TBC1D5: variants seen among roughly 807,000 people sequenced by gnomAD.
The protein encoded by TBC1D5 is TBC1 domain family member 5.
A neutral mutation model predicts 100.3 loss-of-function variants in TBC1D5; 75 were observed. That is an observed-to-expected ratio of 0.75 (90% CI 0.62 to 0.91). TBC1D5 has a LOEUF of 0.91. Among genes scored for constraint, TBC1D5 ranks in the 40% least tolerant of loss-of-function variants. The pLI is 0.00. For synonymous variants in TBC1D5, 323 were observed against 325.6 expected (o/e 0.99, Z 0.09); for missense variants, 910 against 942.4 (o/e 0.97, Z 0.45).
intron 1 of TBC1D5, among the ~76,000 whole-genome samples, chr3:17,648,016 G>A (rs943786098): frequency 2.0e-5 from 3 of 152,030 alleles, no homozygotes; most frequent in Non-Finnish European, 2.9e-5. Flanking sequence ...AAAAGACACC[G>A]AATAGCCAAG....
chr3:17,317,313 C>A (rs1356419277), intron 13 of TBC1D5, among the ~76,000 whole-genome samples: 1 of 152,146 alleles, frequency 6.6e-6, no homozygotes, highest in African/African-American at 2.4e-5. Context: ...CTGAATGTAT[C>A]TGCATGGGGC....
chr3:17,227,118 G>A (rs934598594), intron 17 of TBC1D5, among the ~76,000 whole-genome samples: 16 of 152,070 alleles, frequency 1.1e-4, no homozygotes, highest in African/African-American at 3.1e-4. Context: ...TAGCAAAAGC[G>A]AACACTGAAG....
At chr3:17,634,671 C>T (rs1577138353) in intron 1 of TBC1D5, among the ~76,000 whole-genome samples, 1 of 147,126 alleles carries the variant, frequency 6.8e-6, no homozygotes, top group East Asian at 2.0e-4. Flanking sequence ...TATTTGATAG[C>T]ACAACAGAGT....
At chr3:17,171,789 A>G (rs1197663837) in intron 19 of TBC1D5, among the ~76,000 whole-genome samples, 1 of 152,128 alleles carries the variant, frequency 6.6e-6, no homozygotes, top group African/African-American at 2.4e-5. Flanking sequence ...ACAATATTGG[A>G]CCTAGTACAG....
chr3:17,222,985 T>C (rs1029826484), intron 17 of TBC1D5, among the ~76,000 whole-genome samples: 4 of 152,068 alleles, frequency 2.6e-5, no homozygotes, highest in Non-Finnish European at 4.4e-5. Context: ...AAAAAAACCA[T>C]CGTAAGCAGT....
intron 3 of TBC1D5, among the ~76,000 whole-genome samples, chr3:17,452,823 A>T (rs574714541): frequency 6.6e-6 from 1 of 152,158 alleles, no homozygotes; most frequent in Non-Finnish European, 1.5e-5. Flanking sequence ...GACTCAACAG[A>T]TATTTACAGA....
Position 17,731,240 on chromosome 3 carries a change from C to T in TBC1D5, c.-101+8103G>A, listed in dbSNP as rs144121900. ...TCATGAGGCTGGGTGCAGTGACTCA[C>T]GCCTGTAATCCCAGCACTTTGGGAG... On this transcript the variant is annotated intron_variant, in intron 1 of 21. Coordinates refer to ENST00000253692, the Ensembl canonical transcript of TBC1D5. 3.6e-3 allele frequency among the ~76,000 whole-genome samples: 553 copies of T among 152,082 alleles called. 4 individuals are homozygous for T. Among genetic ancestry groups the T allele is most frequent in the South Asian group, 0.026 (124 of 4,820 alleles).
chr3:17,220,894 T>A (rs955587649), intron 17 of TBC1D5, among the ~76,000 whole-genome samples: 1 of 152,164 alleles, frequency 6.6e-6, no homozygotes, highest in Non-Finnish European at 1.5e-5. Context: ...ATGAAAAAAA[T>A]TCCATCTTTT....
Position 17,242,127 on chromosome 3 carries a change from G to A in TBC1D5, c.1332-3708C>T, listed in dbSNP as rs1396037757. Among the ~76,000 whole-genome samples, 7 of 152,040 alleles carry A rather than the reference G, an allele frequency of 4.6e-5. No homozygotes were observed. The East Asian group carries it at 1.2e-3, about 25-fold the overall frequency. On this transcript the variant is annotated intron_variant, in intron 16 of 21. Coordinates refer to ENST00000253692, the Ensembl canonical transcript of TBC1D5. Reference sequence around the variant, plus strand: ...GTCTTGCAGCCTGGCTTTCTGACCCGCACTCTACTGAAAGAGCTTCTAGGG... The same window carrying A: ...GTCTTGCAGCCTGGCTTTCTGACCCACACTCTACTGAAAGAGCTTCTAGGG...
chr3:17,692,221 C>T (rs756499444), intron 1 of TBC1D5, among the ~76,000 whole-genome samples: 4 of 151,916 alleles, frequency 2.6e-5, no homozygotes, highest in Non-Finnish European at 4.4e-5. Context: ...CCTCCCAAGA[C>T]GGTGGGTTTA....
At chr3:17,326,701 TG>T (rs2086193960) in intron 13 of TBC1D5, among the ~76,000 whole-genome samples, 1 of 152,224 alleles carries the variant, frequency 6.6e-6, no homozygotes, top group South Asian at 2.1e-4. Context: ...CTTGAACTCC[TG>T]GGCTCAAGTA....
chr3:17,192,179 A>G (rs1469744294), intron 18 of TBC1D5, among the ~76,000 whole-genome samples: 1 of 152,108 alleles, frequency 6.6e-6, no homozygotes, highest in African/African-American at 2.4e-5. Context: ...ATTGGATCAT[A>G]TTTTTGTAAT....
chr3:17,507,615 CAT>C (rs1403191603), intron 3 of TBC1D5, among the ~76,000 whole-genome samples: 2 of 152,092 alleles, frequency 1.3e-5, no homozygotes, highest in Non-Finnish European at 2.9e-5. Flanking sequence ...AAATAACACA[CAT>C]GATTTACTAT....
chr3:17,694,681 T>G (rs2071730027), intron 1 of TBC1D5, among the ~76,000 whole-genome samples: 1 of 152,286 alleles, frequency 6.6e-6, no homozygotes, highest in East Asian at 1.9e-4. Context: ...CTTCAGGATA[T>G]TATCCAGGAA....
intron 2 of TBC1D5, among the ~76,000 whole-genome samples, chr3:17,561,286 A>G (rs1048991155): frequency 1.3e-5 from 2 of 152,244 alleles, no homozygotes; most frequent in African/African-American, 2.4e-5. Flanking sequence ...CATATCATAC[A>G]TATGATATAC....
chr3:17,268,634 C>G (rs751844475), intron 15 of TBC1D5, among the ~76,000 whole-genome samples: 2 of 151,440 alleles, frequency 1.3e-5, no homozygotes, highest in Non-Finnish European at 1.5e-5. Context: ...GATAGGAAAA[C>G]TCTGTGAGTG....
At chr3:17,655,937 C>T (rs1288111012) in intron 1 of TBC1D5, among the ~76,000 whole-genome samples, 1 of 152,154 alleles carries the variant, frequency 6.6e-6, no homozygotes, top group Non-Finnish European at 1.5e-5. Context: ...TTTCAGCCCC[C>T]AGAAAAGAAA....
chr3:17,584,157 G>A (rs1240755552), intron 2 of TBC1D5, among the ~76,000 whole-genome samples: 4 of 152,114 alleles, frequency 2.6e-5, no homozygotes, highest in East Asian at 3.8e-4. Flanking sequence ...GAGACAGAAC[G>A]CAGATTGATC....
chr3:17,324,396 C>T (rs916168841), intron 13 of TBC1D5, among the ~76,000 whole-genome samples: 2 of 152,144 alleles, frequency 1.3e-5, no homozygotes, highest in African/African-American at 2.4e-5. Flanking sequence ...TATCCTAGCA[C>T]TTTGGGAGGC....
Sources: allele counts gnomAD v4.1 joint callset (sites outside exome capture counted in the v4.1 genomes callset), GRCh38; gene constraint gnomAD v4.1.1; transcripts MANE v1.5; gene names NCBI Gene and HGNC (gene_info 2026-07-23, HGNC 2026-07-21).